The following TRAPPC9 variants were observed in gnomAD, a reference collection of about 807,000 sequenced individuals.
TRAPPC9 encodes IKK2 binding protein.
A neutral mutation model predicts 124.0 loss-of-function variants in TRAPPC9; 83 were observed. The observed-to-expected ratio is 0.67, with a 90% CI of 0.56 to 0.80. The LOEUF (loss-of-function observed/expected upper bound fraction) is 0.80. Among genes scored for constraint, TRAPPC9 ranks in the 30% least tolerant of loss-of-function variants. The probability of loss-of-function intolerance (pLI) is 0.00; values close to 1 mark genes in which losing one functional copy is unlikely to be tolerated. For synonymous variants in TRAPPC9, 638 were observed against 617.5 expected (o/e 1.03, Z -0.49); for missense variants, 1,302 against 1,508.3 (o/e 0.86, Z 2.27).
rs1195395141 is a variant in TRAPPC9, at chr8:140,287,753, C to T, written c.1855-19G>A. 5 of 1,613,900 alleles carry T rather than the reference C, an allele frequency of 3.1e-6. No individual in the cohort carries two copies. Among genetic ancestry groups the T allele is most frequent in the African/African-American group, 1.3e-5 (1 of 74,930 alleles). Reference sequence around the variant, plus strand: ...GCAGCCCCTAAACCAAGCGACGCAGCATCGTAAGCCCGGAGCAAACCTACT... The same window carrying T: ...GCAGCCCCTAAACCAAGCGACGCAGTATCGTAAGCCCGGAGCAAACCTACT... On this transcript the variant is annotated intron_variant, in intron 12 of 22. Transcript: ENST00000438773.
At chr8:139,902,773 C>G (rs10107700) in intron 20 of TRAPPC9, among the ~76,000 whole-genome samples, 69,295 of 151,984 alleles carry the variant, frequency 0.46, 16,957 homozygotes, top group African/African-American at 0.65. Context: ...ACACAGCCCA[C>G]GTCAAGTGCC....
At chr8:140,074,943 T>C (rs1047542223) in intron 17 of TRAPPC9, among the ~76,000 whole-genome samples, 11 of 151,916 alleles carry the variant, frequency 7.2e-5, no homozygotes, top group Non-Finnish European at 1.0e-4. Flanking sequence ...CTCAGGAAAA[T>C]TGCTACCCAA....
intron 17 of TRAPPC9, among the ~76,000 whole-genome samples, chr8:140,060,091 T>C (rs770461723): frequency 2.0e-5 from 3 of 152,202 alleles, no homozygotes; most frequent in African/African-American, 4.8e-5. Flanking sequence ...TTAAAGAGTG[T>C]CAGGTCTCCT....
rs1823889835 is a variant in TRAPPC9 at position 139,804,634 on chromosome 8, CAAG to C, written c.3056-72435_3056-72433del. 3.9e-5 allele frequency among the ~76,000 whole-genome samples: 5 copies of C among 129,062 alleles called. 1 individual carries two copies. The highest frequency in any genetic ancestry group is 7.9e-3 in the Middle Eastern group (2 of 254). The allele number at this position is 129,062 out of a possible 152,430, so 84.7% of individuals were successfully genotyped here. Reference sequence around the variant, plus strand: ...AACCACCACCACCCACCACCGCCACCAAGCACCACCGCCACCACCCACCACCGC... The same window carrying C: ...AACCACCACCACCCACCACCGCCACCCACCACCGCCACCACCCACCACCGC... On this transcript the variant is annotated intron_variant, in intron 21 of 22. Transcript: ENST00000438773.
At chr8:139,803,942 G>A (rs1302182271) in intron 21 of TRAPPC9, among the ~76,000 whole-genome samples, 3 of 152,160 alleles carry the variant, frequency 2.0e-5, no homozygotes, top group African/African-American at 4.8e-5. Context: ...GATGAAGAAA[G>A]ATGGTCCCCA....
intron 21 of TRAPPC9, among the ~76,000 whole-genome samples, chr8:139,748,481 T>A (rs56916088): frequency 9.9e-4 from 84 of 84,866 alleles, no homozygotes; most frequent in African/African-American, 1.5e-3. Flanking sequence ...ACACAGCAGG[T>A]GTCAGAGCAG....
At chr8:139,796,675 T>C (rs1250171161) in intron 21 of TRAPPC9, among the ~76,000 whole-genome samples, 4 of 152,380 alleles carry the variant, frequency 2.6e-5, no homozygotes, top group African/African-American at 9.6e-5. Context: ...ATTTGTGTTA[T>C]TTTCACTCTT....
intron 5 of TRAPPC9, among the ~76,000 whole-genome samples, chr8:140,406,265 C>A (rs1001807367): frequency 1.3e-5 from 2 of 152,138 alleles, no homozygotes; most frequent in Admixed American, 6.6e-5. Context: ...AAGAATATAA[C>A]CAACTAAACA....
rs147406362 is a variant in TRAPPC9 at position 139,831,596 on chromosome 8, G to A, written c.3055+54283C>T. 2.2e-3 allele frequency among the ~76,000 whole-genome samples: 330 copies of A among 152,106 alleles called. 1 individual carries two copies. The highest frequency in any genetic ancestry group is 7.5e-3 in the African/African-American group (313 of 41,510). ...GACTCCTACCCAAGCTCCCCACCCC[G>A]CTGGGTGCCCCACAGCCTGTGGGAA... On this transcript the variant is annotated intron_variant, in intron 21 of 22. Coordinates refer to ENST00000438773, the MANE Select transcript of TRAPPC9 (RefSeq NM_001160372.4).
intron 21 of TRAPPC9, 29 bp from the exon 22 acceptor site, chr8:139,732,231 T>G (rs1586721180): frequency 6.5e-7 from 1 of 1,538,968 alleles, no homozygotes; most frequent in Non-Finnish European, 8.7e-7. Context: ...TGTCGGGGGC[T>G]GGGCTGGCCT....
rs140106886 is a variant in TRAPPC9 at position 140,370,893 on chromosome 8, C to G, written c.1351+71G>C. 3.9e-4 allele frequency: 609 copies of G among 1,557,858 alleles called. 3 individuals are homozygous for G. The East Asian group carries it at 0.011, about 29-fold the overall frequency. The stretch of plus-strand genomic sequence containing the variant: ...CAACCACGATGTCTGCCACTCAGGG[C>G]AGGGGCTGAAACAGCATGTGACCAT... On this transcript the variant is annotated intron_variant, in intron 8 of 22. Coordinates refer to ENST00000438773, the MANE Select transcript of TRAPPC9 (RefSeq NM_001160372.4).
At chr8:140,219,914 G>A (rs1425900681) in intron 17 of TRAPPC9, among the ~76,000 whole-genome samples, 4 of 152,154 alleles carry the variant, frequency 2.6e-5, no homozygotes, top group African/African-American at 9.7e-5. Context: ...AATCCCCAAG[G>A]CACGTGCAGA....
intron 14 of TRAPPC9, among the ~76,000 whole-genome samples, chr8:140,283,180 G>T (rs755339722): frequency 2.0e-4 from 30 of 151,604 alleles, no homozygotes; most frequent in Non-Finnish European, 3.7e-4. Context: ...GGAGGTTGCA[G>T]TGAGTCGAGA....
chr8:140,166,152 C>A (rs900043650), intron 17 of TRAPPC9, among the ~76,000 whole-genome samples: 3 of 152,196 alleles, frequency 2.0e-5, no homozygotes, highest in Admixed American at 6.5e-5. Context: ...AAAGGCATGA[C>A]CGAAAGCTCC....
At chr8:140,417,921 T>C (rs1336335392) in intron 5 of TRAPPC9, among the ~76,000 whole-genome samples, 1 of 152,182 alleles carries the variant, frequency 6.6e-6, no homozygotes, top group Admixed American at 6.5e-5. Context: ...GGGACATGGA[T>C]GCAGCTAGAA....
chr8:139,839,431 C>T (rs1009457203), intron 21 of TRAPPC9, among the ~76,000 whole-genome samples: 2 of 152,200 alleles, frequency 1.3e-5, no homozygotes, highest in African/African-American at 4.8e-5. Context: ...AGGGGACAGA[C>T]AGGCCACCAG....
chr8:140,264,727 A>C (rs933940187), intron 15 of TRAPPC9, among the ~76,000 whole-genome samples: 6 of 152,154 alleles, frequency 3.9e-5, no homozygotes, highest in African/African-American at 1.4e-4. Flanking sequence ...ATTTCAAGTC[A>C]GCCTTAACAA....
At chr8:140,442,197 T>C (rs975843209) in intron 2 of TRAPPC9, among the ~76,000 whole-genome samples, 2 of 152,226 alleles carry the variant, frequency 1.3e-5, no homozygotes, top group African/African-American at 4.8e-5. Context: ...TGATAAACAA[T>C]TTGTTTTGAA....
chr8:140,324,181 C>G, intron 9 of TRAPPC9, among the ~76,000 whole-genome samples: 1 of 152,058 alleles, frequency 6.6e-6, no homozygotes, highest in South Asian at 2.1e-4. Flanking sequence ...TATGAAGACA[C>G]AGACTGAAAA....
Sources: gnomAD v4.1 joint callset for allele counts (sites outside exome capture counted in the v4.1 genomes callset) on GRCh38, gnomAD v4.1.1 for gene constraint, MANE v1.5 for transcripts, NCBI Gene and HGNC (gene_info 2026-07-23, HGNC 2026-07-21) for gene names.